The following BANP variants were observed in gnomAD, a reference collection of about 807,000 sequenced individuals.
BANP encodes protein BANP.
Under a neutral mutation model 68.1 loss-of-function variants are expected in BANP, and 11 were observed. The observed-to-expected ratio is 0.16, with a 90% CI of 0.10 to 0.27. The LOEUF is 0.27. BANP is among the 10% of genes least tolerant of loss of function. BANP has a pLI of 1.00. For missense variants in BANP, 504 were observed against 722.7 expected, an observed-to-expected ratio of 0.70 and a Z score of 3.47; for synonymous variants, 329 against 303.2, an observed-to-expected ratio of 1.09 and a Z score of -0.88.
chr16:87,982,138 G>T (rs533185783), intron 3 of BANP, among the ~76,000 whole-genome samples: 2 of 152,190 alleles, frequency 1.3e-5, no homozygotes, highest in Non-Finnish European at 2.9e-5. Context: ...TAAACACTGC[G>T]TTATCATTCC....
chr16:87,952,425 T>A (rs2057129259), intron 1 of BANP: 1 of 152,222 alleles, frequency 6.6e-6, no homozygotes, highest in African/African-American at 2.4e-5. Context: ...GTAATTGCCC[T>A]GTTTGGAGTT....
rs2075239344 is a variant in BANP, at chr16:88,018,956, G to A, written c.895+289G>A. ...AAAAACTCCTCGCCTCCTGTCTGTA[G>A]GCCACTCTTGAGGAAGAGAGAGGAG... On this transcript the variant is annotated intron_variant, in intron 7 of 13. Coordinates refer to ENST00000682872, the MANE Select transcript of BANP (RefSeq NM_001386991.1). The surrounding 1 kb of genome is among the most constrained non-coding windows in gnomAD (Gnocchi z 7.7). Among the ~76,000 whole-genome samples, 1 of 152,172 alleles carries A rather than the reference G, an allele frequency of 6.6e-6. No homozygotes were observed. Among genetic ancestry groups the A allele is most frequent in the Non-Finnish European group, 1.5e-5 (1 of 68,020 alleles).
At chr16:88,013,016 A>T (rs1230108086) in intron 6 of BANP, among the ~76,000 whole-genome samples, 1 of 152,238 alleles carries the variant, frequency 6.6e-6, no homozygotes, top group East Asian at 1.9e-4. Context: ...GATATGAGAC[A>T]GTGCCTTCCA....
intron 7 of BANP, among the ~76,000 whole-genome samples, chr16:88,026,578 C>T (rs534931261): frequency 8.5e-5 from 13 of 152,130 alleles, no homozygotes; most frequent in Non-Finnish European, 1.8e-4. Context: ...AATAACAATA[C>T]ATGCGTGAAT....
chr16:87,959,377 C>T (rs1442821059), intron 1 of BANP, among the ~76,000 whole-genome samples: 6 of 152,244 alleles, frequency 3.9e-5, no homozygotes, highest in African/African-American at 9.6e-5. Context: ...TGGGCCCTCA[C>T]GTGCCACCCC....
chr16:87,977,427 A>AAAAC (rs1307263411), intron 2 of BANP, among the ~76,000 whole-genome samples: 2 of 151,856 alleles, frequency 1.3e-5, no homozygotes, highest in African/African-American at 2.4e-5. Context: ...TCAAAAAAAA[A>AAAAC]AACAAAACCT....
In BANP at chr16:88,033,116, G is replaced by C. The variant is rs893089555; in HGVS notation, c.1071G>C (p.Met357Ile). 1.2e-6 allele frequency: 2 copies of C among 1,604,518 alleles called. No individual in the cohort carries two copies. Among genetic ancestry groups the C allele is most frequent in the Non-Finnish European group, 1.7e-6 (2 of 1,173,036 alleles). Residue 357 changes from methionine (M) to isoleucine (I), a missense_variant, in exon 9 of 14, where the codon ATG becomes ATC. Met to Ile is a conservative substitution (Grantham distance 10). Around this residue, in one of 3 missense-constraint regions of BANP, gnomAD observed 223 missense variants for 246.2 expected, o/e 0.91. Coordinates refer to ENST00000682872, the MANE Select transcript of BANP (RefSeq NM_001386991.1). ...NSSSYCPSEP[M>I]MSTPPPASEL... is the part of the protein sequence containing the mutation. Reference sequence around the variant, plus strand: ...CACCTGTTGCCCCCACAGAGCCGATGATGAGCACCCCACCTCCTGCCAGCG... The same window carrying C: ...CACCTGTTGCCCCCACAGAGCCGATCATGAGCACCCCACCTCCTGCCAGCG...
At chr16:88,043,572 G>C (rs1395715995) in intron 11 of BANP, among the ~76,000 whole-genome samples, 1 of 152,232 alleles carries the variant, frequency 6.6e-6, no homozygotes, top group African/African-American at 2.4e-5. Context: ...AATTCGGAAT[G>C]ATTTAGGTAG....
intron 2 of BANP, chr16:87,978,806 C>T (rs1246441241): frequency 2.8e-6 from 1 of 359,534 alleles, no homozygotes; most frequent in Non-Finnish European, 5.7e-6. Context: ...CCCCAACCCT[C>T]CCAGGCACAG....
intron 1 of BANP, among the ~76,000 whole-genome samples, chr16:87,961,412 C>CG (rs1555533470): frequency 1.4e-5 from 2 of 142,948 alleles, no homozygotes; most frequent in African/African-American, 5.1e-5. Flanking sequence ...AATCTGCACC[C>CG]CCCCGGGCCT....
At chr16:88,056,778 C>T (rs1272872426) in intron 11 of BANP, among the ~76,000 whole-genome samples, 1 of 152,166 alleles carries the variant, frequency 6.6e-6, no homozygotes, top group Non-Finnish European at 1.5e-5. Context: ...TTATTCATTT[C>T]TTTTACCTGT....
intron 13 of BANP, among the ~76,000 whole-genome samples, chr16:88,076,293 G>T (rs953830716): frequency 2.6e-5 from 4 of 152,294 alleles, no homozygotes; most frequent in Admixed American, 2.6e-4. Context: ...GCGGGTTGGG[G>T]GTGGAGAGGC....
At chr16:87,977,150 C>T (rs1173118196) in intron 2 of BANP, among the ~76,000 whole-genome samples, 1 of 152,218 alleles carries the variant, frequency 6.6e-6, no homozygotes, top group Admixed American at 6.5e-5. Context: ...CATGGTGGCT[C>T]ATGCCTGTAA....
At chr16:87,980,756 C>T (rs1598051162) in intron 2 of BANP, 7 of 397,730 alleles carry the variant, frequency 1.8e-5, no homozygotes, top group South Asian at 1.4e-4. Flanking sequence ...ACAGGGCAGC[C>T]CCGCAGAGCA....
chr16:87,978,645 C>T (rs941324301), intron 2 of BANP: 3 of 470,040 alleles, frequency 6.4e-6, no homozygotes, highest in Admixed American at 2.3e-5. Context: ...GTGTGCTGTA[C>T]TCAAGGGACA....
At chr16:88,013,903 C>A (rs1264120084) in intron 6 of BANP, among the ~76,000 whole-genome samples, 1 of 152,208 alleles carries the variant, frequency 6.6e-6, no homozygotes, top group Admixed American at 6.5e-5. Context: ...TCCATGGACA[C>A]AAGTGTGGAT....
At chr16:88,062,077 A>G (rs1358652623) in intron 11 of BANP, among the ~76,000 whole-genome samples, 3 of 152,226 alleles carry the variant, frequency 2.0e-5, no homozygotes, top group Non-Finnish European at 4.4e-5. Context: ...TCAAAGCTGA[A>G]TGACAAAAAC....
chr16:88,050,461 G>C (rs866369806), intron 11 of BANP, among the ~76,000 whole-genome samples: 4 of 152,162 alleles, frequency 2.6e-5, no homozygotes, highest in African/African-American at 9.7e-5. Flanking sequence ...CAGCCGACAA[G>C]ATGGTTTTAA....
intron 11 of BANP, among the ~76,000 whole-genome samples, chr16:88,058,916 C>G (rs1234661769): frequency 6.6e-6 from 1 of 152,162 alleles, no homozygotes; most frequent in Non-Finnish European, 1.5e-5. Flanking sequence ...CATAAAGTGG[C>G]CCCTGCCGGC....
Sources: allele counts gnomAD v4.1 joint callset (sites outside exome capture counted in the v4.1 genomes callset), GRCh38; gene constraint gnomAD v4.1.1; regional missense constraint gnomAD v4.1.1; non-coding constraint Gnocchi (gnomAD v3.1); transcripts MANE v1.5; gene names NCBI Gene and HGNC (gene_info 2026-07-23, HGNC 2026-07-21).